The following STARD13 variants were observed in gnomAD, a reference collection of about 807,000 sequenced individuals.
STARD13 encodes StAR related lipid transfer domain containing 13.
A neutral mutation model predicts 106.4 loss-of-function variants in STARD13; 62 were observed. The observed-to-expected ratio is 0.58, with a 90% CI of 0.48 to 0.72. STARD13 has a LOEUF of 0.72. Ranked by LOEUF, STARD13 falls within the 30% of genes least tolerant of loss-of-function variation. The pLI, the probability that STARD13 is intolerant of heterozygous loss-of-function variation, is 0.00. For missense variants in STARD13, 1,387 were observed against 1,424.0 expected, an observed-to-expected ratio of 0.97 and a Z score of 0.42; for synonymous variants, 565 against 553.0, an observed-to-expected ratio of 1.02 and a Z score of -0.31.
the STARD13 span, chr13:33,524,311 G>T: frequency 1.6e-6 from 2 of 1,262,488 alleles, no homozygotes; most frequent in Non-Finnish European, 2.1e-6. Context: ...TGCAGTTTTA[G>T]TTCTACAAAT....
chr13:33,332,803 C>G (rs1028866904), intron 1 of STARD13, among the ~76,000 whole-genome samples: 1 of 152,098 alleles, frequency 6.6e-6, no homozygotes, highest in Admixed American at 6.6e-5. Flanking sequence ...ATTGTTTCCA[C>G]CACTTGAATA....
the STARD13 span, among the ~76,000 whole-genome samples, chr13:33,476,717 C>T: frequency 1.3e-5 from 2 of 152,192 alleles, no homozygotes; most frequent in African/African-American, 4.8e-5. Flanking sequence ...AGGCAATAAC[C>T]AGTAGACACC....
At chr13:33,414,313 A>G in the STARD13 span, among the ~76,000 whole-genome samples, 1 of 152,182 alleles carries the variant, frequency 6.6e-6, no homozygotes, top group African/African-American at 2.4e-5. Flanking sequence ...ATCACACAGA[A>G]AAACTTAGGT....
intron 1 of STARD13, among the ~76,000 whole-genome samples, chr13:33,189,126 G>A (rs1886019072): frequency 6.6e-6 from 1 of 152,082 alleles, no homozygotes; most frequent in Non-Finnish European, 1.5e-5. Context: ...GTAGTGTCAT[G>A]AATAGCTCGA....
chr13:33,377,094 A>G, the STARD13 span, among the ~76,000 whole-genome samples: 3 of 152,198 alleles, frequency 2.0e-5, no homozygotes, highest in Non-Finnish European at 4.4e-5. Flanking sequence ...TATTTTATGC[A>G]ATTTTTTTCT....
the STARD13 span, among the ~76,000 whole-genome samples, chr13:33,501,381 T>C: frequency 6.6e-6 from 1 of 152,258 alleles, no homozygotes; most frequent in East Asian, 1.9e-4. Context: ...AGAAGCTCTT[T>C]AGTTTAATTG....
the STARD13 span, among the ~76,000 whole-genome samples, chr13:33,567,646 G>A: frequency 6.8e-6 from 1 of 147,790 alleles, no homozygotes; most frequent in African/African-American, 2.5e-5. Context: ...AAAAATGAAG[G>A]TGAACAAAAA....
chr13:33,355,399 C>T (rs1453682374), upstream of STARD13: 1 of 152,160 alleles, frequency 6.6e-6, no homozygotes, highest in African/African-American at 2.4e-5. Context: ...TTGTTGGAAC[C>T]CTTTGCTTGA....
At chr13:33,508,070 C>A in the STARD13 span, among the ~76,000 whole-genome samples, 3 of 152,084 alleles carry the variant, frequency 2.0e-5, no homozygotes, top group Non-Finnish European at 4.4e-5. Context: ...AGGTATCTGC[C>A]TCCCAACTTT....
the STARD13 span, among the ~76,000 whole-genome samples, chr13:33,479,535 G>A: frequency 6.6e-6 from 1 of 152,358 alleles, no homozygotes; most frequent in East Asian, 1.9e-4. Flanking sequence ...GTGCTAAGGT[G>A]TTTGAACAAA....
intron 2 of STARD13, among the ~76,000 whole-genome samples, chr13:33,167,002 ACAAAAAAAAAAC>A (rs1371519493): frequency 1.3e-4 from 18 of 136,820 alleles, no homozygotes; most frequent in Non-Finnish European, 2.1e-4. Flanking sequence ...TCAAAAAAAA[ACAAAAAAAAAAC>A]CAAAAAAAAA....
At chr13:33,396,883 G>T in the STARD13 span, among the ~76,000 whole-genome samples, 1 of 152,186 alleles carries the variant, frequency 6.6e-6, no homozygotes, top group Non-Finnish European at 1.5e-5. Context: ...ATCACCCCCA[G>T]CTTTCTTCCT....
intron 12 of STARD13, among the ~76,000 whole-genome samples, chr13:33,107,148 C>A (rs1368624899): frequency 6.6e-6 from 1 of 152,174 alleles, no homozygotes; most frequent in East Asian, 1.9e-4. Flanking sequence ...GACTGTGAGG[C>A]CAGAAATGGT....
At chr13:33,415,200 G>GTAAAA in the STARD13 span, among the ~76,000 whole-genome samples, 1 of 152,004 alleles carries the variant, frequency 6.6e-6, no homozygotes, top group Non-Finnish European at 1.5e-5. Flanking sequence ...AACCCCGTCT[G>GTAAAA]TACTAAAAAT....
chr13:33,454,358 C>T, the STARD13 span, among the ~76,000 whole-genome samples: 2 of 152,206 alleles, frequency 1.3e-5, no homozygotes, highest in Non-Finnish European at 2.9e-5. Context: ...GCATCCATTG[C>T]AGTCTGGAGG....
intron 1 of STARD13, among the ~76,000 whole-genome samples, chr13:33,193,822 T>C (rs1355213447): frequency 6.6e-6 from 1 of 152,224 alleles, no homozygotes; most frequent in Non-Finnish European, 1.5e-5. Context: ...AGGAGGTTTA[T>C]CCAGTCATCT....
intron 7 of STARD13, 147 bp from the exon 8 acceptor site, chr13:33,118,410 C>T (rs1033871031): frequency 3.8e-5 from 25 of 665,286 alleles, no homozygotes; most frequent in Non-Finnish European, 6.4e-5. Flanking sequence ...AGGCAGTACC[C>T]GAACACTGTC....
chr13:33,354,854 G>A (rs1328666828), upstream of STARD13, among the ~76,000 whole-genome samples: 2 of 151,634 alleles, frequency 1.3e-5, no homozygotes, highest in Admixed American at 1.3e-4. Context: ...TTACCAAAAA[G>A]AGAGCTGATA....
At chr13:33,287,628 T>C (rs1892124042), upstream of STARD13, among the ~76,000 whole-genome samples, 1 of 152,110 alleles carries the variant, frequency 6.6e-6, no homozygotes, top group Non-Finnish European at 1.5e-5. Flanking sequence ...GAGCACCATA[T>C]TGCAAAGTTG....
Sources: allele counts gnomAD v4.1 joint callset (sites outside exome capture counted in the v4.1 genomes callset), GRCh38; gene constraint gnomAD v4.1.1; transcripts MANE v1.5; gene names NCBI Gene and HGNC (gene_info 2026-07-23, HGNC 2026-07-21).